ASTN1: variants seen among roughly 807,000 people sequenced by gnomAD.
The protein encoded by ASTN1 is astrotactin 1, also known as astrotactin-1.
In ASTN1, 41 loss-of-function variants were observed where a neutral mutation model predicts 140.7. That is an observed-to-expected ratio of 0.29 (90% confidence interval 0.23 to 0.38). The LOEUF (loss-of-function observed/expected upper bound fraction) is 0.38. ASTN1 is among the 10% of genes least tolerant of loss of function. The pLI is 1.00. For missense variants in ASTN1, 1,479 were observed against 1,678.8 expected (o/e 0.88, Z 2.08); for synonymous variants, 640 against 652.2 (o/e 0.98, Z 0.29).
chr1:177,088,662 T>C (rs186130929), intron 1 of ASTN1, among the ~76,000 whole-genome samples: 1 of 152,280 alleles, frequency 6.6e-6, no homozygotes, highest in Non-Finnish European at 1.5e-5. Context: ...TTTAAAAACA[T>C]GGCATGCTCA....
At chr1:177,044,492 C>T (rs981515394) in intron 2 of ASTN1, among the ~76,000 whole-genome samples, 1 of 152,180 alleles carries the variant, frequency 6.6e-6, no homozygotes, top group African/African-American at 2.4e-5. Flanking sequence ...CCCGCCAGGA[C>T]CTCGGGCGCA....
intron 20 of ASTN1, among the ~76,000 whole-genome samples, chr1:176,881,818 T>C (rs965304364): frequency 6.6e-6 from 1 of 152,192 alleles, no homozygotes; most frequent in Non-Finnish European, 1.5e-5. Context: ...AGCACTGAAG[T>C]TCATCTTGCA....
chr1:177,095,607 C>T (rs948747789), intron 1 of ASTN1, among the ~76,000 whole-genome samples: 4 of 152,242 alleles, frequency 2.6e-5, no homozygotes, highest in South Asian at 2.1e-4. Context: ...GACATCTCCC[C>T]TATATGAAGT....
intron 8 of ASTN1, among the ~76,000 whole-genome samples, chr1:176,993,276 T>A (rs965430161): frequency 6.6e-6 from 1 of 152,204 alleles, no homozygotes; most frequent in African/African-American, 2.4e-5. Context: ...GTATAGTCCA[T>A]GTCCTTAAGG....
rs768250797 is a variant in ASTN1 at position 176,945,902 on chromosome 1, C to T, written c.2249+24G>A. 1.2e-5 allele frequency: 18 copies of T among 1,563,660 alleles called. No homozygotes were observed. The South Asian group carries it at 2.0e-4, about 18-fold the overall frequency. ...AAGTCCACCAACAGTCTTGAACAAT[C>T]AGTTCTATGTATATGAGGTTTACCT... is the stretch of plus-strand genomic sequence containing the variant. On this transcript the variant is annotated intron_variant, in intron 13 of 22. Transcript: ENST00000361833.
chr1:177,135,241 T>C (rs911225287), intron 1 of ASTN1, among the ~76,000 whole-genome samples: 1 of 152,076 alleles, frequency 6.6e-6, no homozygotes, highest in African/African-American at 2.4e-5. Context: ...AATTCATTTG[T>C]GACCAAGGTT....
intron 17 of ASTN1, among the ~76,000 whole-genome samples, chr1:176,892,563 T>A (rs566108610): frequency 3.3e-5 from 5 of 152,304 alleles, no homozygotes; most frequent in African/African-American, 9.6e-5. Flanking sequence ...TTCAAATGTG[T>A]TGGGTTTGAG....
intron 17 of ASTN1, among the ~76,000 whole-genome samples, chr1:176,891,463 T>C (rs1391583527): frequency 6.6e-6 from 1 of 152,136 alleles, no homozygotes; most frequent in African/African-American, 2.4e-5. Flanking sequence ...AACAACTATG[T>C]CAACAGCTGC....
intron 2 of ASTN1, among the ~76,000 whole-genome samples, chr1:177,040,797 TA>T (rs1163124349): frequency 6.6e-6 from 1 of 152,262 alleles, no homozygotes; most frequent in East Asian, 1.9e-4. Flanking sequence ...TCAATTCCTG[TA>T]TGAGACTTTA....
chr1:176,928,486 T>C (rs1019172878), intron 16 of ASTN1, among the ~76,000 whole-genome samples: 2 of 152,140 alleles, frequency 1.3e-5, no homozygotes, highest in East Asian at 1.9e-4. Context: ...AAAGGATCCA[T>C]ATAAAGAGCT....
At chr1:176,909,940 A>G (rs974171363) in intron 16 of ASTN1, among the ~76,000 whole-genome samples, 2 of 152,138 alleles carry the variant, frequency 1.3e-5, no homozygotes, top group African/African-American at 4.8e-5. Flanking sequence ...TTTGTATTTA[A>G]TTTTTCATTC....
rs756707398 is a variant in ASTN1 at position 177,032,699 on chromosome 1, G to A, written c.622C>T (p.Leu208=). 2.5e-6 allele frequency: 4 copies of A among 1,613,946 alleles called. No individual in the cohort carries two copies. The highest frequency in any genetic ancestry group is 3.4e-6 in the Non-Finnish European group (4 of 1,180,046). ...ANEIHYIPSV[L]IGGHGRESLR... Reference sequence around the variant, plus strand: ...CTCTCCCGTCCGTGCCCGCCGATCAGCACAGAAGGAATGTAGTGAATCTCA... The same window carrying A: ...CTCTCCCGTCCGTGCCCGCCGATCAACACAGAAGGAATGTAGTGAATCTCA... Residue 208 remains leucine, a synonymous_variant, in exon 3 of 23, where the codon CTG becomes TTG. Coordinates refer to ENST00000361833, the MANE Select transcript of ASTN1 (RefSeq NM_004319.3).
At chr1:176,949,125 G>A in intron 12 of ASTN1, 60 bp downstream of exon 12, 1 of 1,596,686 alleles carries the variant, frequency 6.3e-7, no homozygotes, top group Non-Finnish European at 8.5e-7. Context: ...ATTTAGCATT[G>A]AAAGTCCTGC....
At position 177,041,464 on chromosome 1, in the gene ASTN1, T is replaced by C. The variant is rs1676968104; in HGVS notation, c.472-8615A>G. Among the ~76,000 whole-genome samples, 3 of 152,192 alleles carry C rather than the reference T, an allele frequency of 2.0e-5. No homozygotes were observed. In the South Asian group the frequency reaches 6.2e-4, roughly 32 times the overall value. On this transcript the variant is annotated intron_variant, in intron 2 of 22. Transcript: ENST00000361833. Reference sequence around the variant, plus strand: ...TCCAGGTCTCTGTCTCAGCAACTCATGGGCAGAGCTGCATGAGACAGGCTC... The same window carrying C: ...TCCAGGTCTCTGTCTCAGCAACTCACGGGCAGAGCTGCATGAGACAGGCTC...
intron 8 of ASTN1, among the ~76,000 whole-genome samples, chr1:176,996,127 T>G (rs1280187986): frequency 2.2e-4 from 33 of 152,100 alleles, no homozygotes. Context: ...TGGGTCTAAG[T>G]AATGGCTTTG....
chr1:176,860,179 CAT>C (rs1667923553), downstream of ASTN1, among the ~76,000 whole-genome samples: 1 of 152,290 alleles, frequency 6.6e-6, no homozygotes, highest in Admixed American at 6.5e-5. Context: ...TTGAAAGTCA[CAT>C]AGTGTCACTT....
In ASTN1 at chr1:177,032,439, C is replaced by G; in HGVS notation, c.865+17G>C. 3 of 1,608,296 alleles carry G rather than the reference C, an allele frequency of 1.9e-6. No homozygotes were observed. Among genetic ancestry groups the G allele is most frequent in the Non-Finnish European group, 2.5e-6 (3 of 1,176,918 alleles). ...GATGAAGGACCAAACAGCCCCTTGC[C>G]TTTCTCCCATCCCCACCTGGTGTGA... is the stretch of plus-strand genomic sequence containing the variant. On this transcript the variant is annotated intron_variant, in intron 3 of 22. Coordinates refer to ENST00000361833, the MANE Select transcript of ASTN1 (RefSeq NM_004319.3).
intron 16 of ASTN1, among the ~76,000 whole-genome samples, chr1:176,914,476 T>C (rs939250230): frequency 2.1e-4 from 32 of 152,340 alleles, no homozygotes; most frequent in African/African-American, 7.7e-4. Flanking sequence ...AGCTTAACTC[T>C]GTGTTATGGA....
chr1:176,984,133 C>T (rs1322824168), intron 8 of ASTN1, among the ~76,000 whole-genome samples: 3 of 152,206 alleles, frequency 2.0e-5, no homozygotes, highest in Non-Finnish European at 4.4e-5. Flanking sequence ...ACCGTGAATG[C>T]TTTGCAATTT....
Sources: gnomAD v4.1 joint callset for allele counts (sites outside exome capture counted in the v4.1 genomes callset) on GRCh38, gnomAD v4.1.1 for gene constraint, MANE v1.5 for transcripts, NCBI Gene and HGNC (gene_info 2026-07-23, HGNC 2026-07-21) for gene names.